IGFN1: variants seen among roughly 807,000 people sequenced by gnomAD.
IGFN1 encodes immunoglobulin-like and fibronectin type III domain-containing protein 1.
A neutral mutation model predicts 289.5 loss-of-function variants in IGFN1; 253 were observed. The ratio of observed to expected loss-of-function variants is 0.87; its 90% CI spans 0.79 to 0.97. The LOEUF (loss-of-function observed/expected upper bound fraction) is 0.97. Among genes scored for constraint, IGFN1 ranks in the 50% least tolerant of loss-of-function variants. The pLI is 0.00. For missense variants in IGFN1, 4,470 were observed against 4,686.1 expected (o/e 0.95, Z 1.35); for synonymous variants, 1,706 against 1,788.5 (o/e 0.95, Z 1.16).
intron 5 of IGFN1, among the ~76,000 whole-genome samples, 174 bp from the exon 6 acceptor site, chr1:201,199,160 A>G (rs1311405560): frequency 1.3e-5 from 2 of 152,182 alleles, no homozygotes; most frequent in Non-Finnish European, 1.5e-5. Flanking sequence ...CTTATGATGG[A>G]CAGACCCTCC....
At position 201,216,555 on chromosome 1, in the gene IGFN1, G is replaced by A. The variant is rs747949117; in HGVS notation, c.9397G>A (p.Val3133Ile). ...CCCAAGGGACAATGGGGGCCGGACTGTAGAGTGCTACGTGGTGGAGAGACG... is the reference window on the plus strand; with the variant it reads ...CCCAAGGGACAATGGGGGCCGGACTATAGAGTGCTACGTGGTGGAGAGACG... ...RPPRDNGGRT[V>I]ECYVVERRQA... Residue 3133 changes from valine (V) to isoleucine (I), a missense_variant, in exon 16 of 24, where the codon GTA becomes ATA. Val to Ile is a conservative substitution (Grantham distance 29). Coordinates refer to ENST00000335211, the MANE Select transcript of IGFN1 (RefSeq NM_001164586.2). 3 of 1,613,498 alleles carry A rather than the reference G, an allele frequency of 1.9e-6. No individual in the cohort carries two copies. In the Admixed American group the frequency reaches 5.0e-5, roughly 27 times the overall value.
rs770455409 is a variant in IGFN1 at position 201,216,669 on chromosome 1, A to G, written c.9511A>G (p.Lys3171Glu). ...FTDAHVEPGR[K>E]YTFRVRAVTS... ...GGATGCCCATGTGGAGCCAGGCAGG[A>G]AGTATACCTTCCGAGTGCGGGCTGT... Residue 3171 changes from lysine (K) to glutamate (E), a missense_variant, in exon 16 of 24, where the codon AAG (lysine) becomes GAG (glutamate). Transcript: ENST00000335211. The G allele has an allele frequency of 3.1e-6, 5 of 1,613,816 alleles. No individual in the cohort carries two copies. In the East Asian group the frequency reaches 8.9e-5, roughly 29 times the overall value.
chr1:201,214,938 G>C, intron 13 of IGFN1, 75 bp from the exon 14 acceptor site: 1 of 1,491,624 alleles, frequency 6.7e-7, no homozygotes, highest in South Asian at 1.3e-5. Flanking sequence ...CATCAGTAAA[G>C]GGCTCTGGTT....
In IGFN1 at chr1:201,210,001, G is replaced by C. The variant is rs1366973332; in HGVS notation, c.5108G>C (p.Gly1703Ala). 3 of 1,491,260 alleles carry C rather than the reference G, an allele frequency of 2.0e-6. No homozygotes were observed. The highest frequency in any genetic ancestry group is 2.7e-6 in the Non-Finnish European group (3 of 1,120,890). The allele number at this position is 1,491,260 out of a possible 1,614,324, so 92.4% of individuals were successfully genotyped here. A position where few individuals can be genotyped will look rare whatever the true frequency, so the allele number is the denominator to read the frequency against. Reference sequence around the variant, plus strand: ...GGTTTAGGGAGTTCTGTAGAAATGGGGTCAGTGAATGAGGCAGGTTATAGG... The same window carrying C: ...GGTTTAGGGAGTTCTGTAGAAATGGCGTCAGTGAATGAGGCAGGTTATAGG... ...RDGLGSSVEMGSVNEAGYRKD... is the reference protein window; with the variant it reads ...RDGLGSSVEMASVNEAGYRKD... The change falls in exon 12 of 24, where the codon GGG becomes GCG. Residue 1703 changes from glycine to alanine, a missense_variant. By Grantham distance (60) the Gly-to-Ala change is moderately conservative. Transcript: ENST00000335211.
At chr1:201,202,491 G>A (rs981078102) in intron 9 of IGFN1, among the ~76,000 whole-genome samples, 2 of 151,752 alleles carry the variant, frequency 1.3e-5, no homozygotes, top group Admixed American at 6.6e-5. Context: ...CACTGGCCTT[G>A]TCCCTGTTCC....
chr1:201,194,092 G>C (rs1572159092), intron 2 of IGFN1, 62 bp from the exon 3 acceptor site: 1 of 1,536,616 alleles, frequency 6.5e-7, no homozygotes, highest in East Asian at 2.5e-5. Context: ...CCATTCTGTT[G>C]AAGGGCCACC....
In IGFN1 at chr1:201,193,769, C is replaced by T. The variant is rs560692471; in HGVS notation, c.8-385C>T. Among the ~76,000 whole-genome samples, 3 of 152,118 alleles carry T rather than the reference C, an allele frequency of 2.0e-5. No individual in the cohort carries two copies. In the South Asian group the frequency reaches 6.2e-4, roughly 32 times the overall value. On this transcript the variant is annotated intron_variant, in intron 2 of 23. Coordinates refer to ENST00000335211, the MANE Select transcript of IGFN1 (RefSeq NM_001164586.2). ...GCTTGGCTTTTTTTTTGAGTCTTGG[C>T]TTTGGGTTTTGATTTGTTTTCCTGA...
At chr1:201,225,043 C>T (rs1248081626) in intron 21 of IGFN1, among the ~76,000 whole-genome samples, 169 bp downstream of exon 21, 1 of 152,218 alleles carries the variant, frequency 6.6e-6, no homozygotes, top group Non-Finnish European at 1.5e-5. Context: ...TAGAAAGGAC[C>T]CCAGAAGATC....
intron 8 of IGFN1, 149 bp from the exon 9 acceptor site, chr1:201,201,570 G>A: frequency 3.5e-6 from 2 of 566,174 alleles, no homozygotes; most frequent in South Asian, 2.2e-5. Flanking sequence ...TCCTTGAGGG[G>A]CTTACTTTCC....
At chr1:201,213,645 G>T (rs369877941) in intron 12 of IGFN1, 24 bp downstream of exon 12, 268 of 1,594,514 alleles carry the variant, frequency 1.7e-4, no homozygotes, top group East Asian at 2.2e-5. Flanking sequence ...TGCTGAGCTG[G>T]CTCCCATGGG....
chr1:201,226,244 A>G, intron 22 of IGFN1, 121 bp downstream of exon 22: 1 of 1,158,120 alleles, frequency 8.6e-7, no homozygotes, highest in Non-Finnish European at 1.2e-6. Flanking sequence ...GGCCTGGAGC[A>G]TGCCAAATAA....
In IGFN1 at chr1:201,207,818, T is replaced by A; in HGVS notation, c.2925T>A (p.Tyr975Ter). Residue 975 changes from tyrosine (Y) to a stop codon, truncating the protein, a stop_gained, in exon 12 of 24, where the codon TAT (tyrosine) becomes TAA (stop). Coordinates refer to ENST00000335211, the MANE Select transcript of IGFN1 (RefSeq NM_001164586.2). LOFTEE classifies it high-confidence loss of function. Reference sequence around the variant, plus strand: ...CTAAAAGCGGGGCTGGTTATAGCTATGGCTCAGGGGTTCCAGGAGAAATGG... The same window carrying A: ...CTAAAAGCGGGGCTGGTTATAGCTAAGGCTCAGGGGTTCCAGGAGAAATGG... ...ISSKSGAGYSYGSGVPGEMGS... is the reference protein window; with the variant it reads ...ISSKSGAGYS 1 of 1,535,990 alleles carries A rather than the reference T, an allele frequency of 6.5e-7. No individual in the cohort carries two copies. The highest frequency in any genetic ancestry group is 8.7e-7 in the Non-Finnish European group (1 of 1,146,252).
In IGFN1 at chr1:201,227,066, C is replaced by A. The variant is rs769962393; in HGVS notation, c.10971C>A (p.Asn3657Lys). The change falls in exon 23 of 24, where the codon AAC becomes AAA. Residue 3657 changes from asparagine to lysine, a missense_variant. Physicochemically the swap from Asn to Lys is moderately conservative, Grantham distance 94. Transcript: ENST00000335211. ...WFKNDRSLEG[N>K]PAVYSTDLLG... ...AGAATGACCGCAGCCTGGAAGGAAA[C>A]CCCGCGGTGTACAGCACTGACCTGC... 6.8e-6 allele frequency: 11 copies of A among 1,613,530 alleles called. No individual in the cohort carries two copies. The highest frequency in any genetic ancestry group is 1.7e-5 in the Admixed American group (1 of 60,016).
At chr1:201,204,038 A>G (rs1271213291) in intron 10 of IGFN1, 132 bp downstream of exon 10, 3 of 846,880 alleles carry the variant, frequency 3.5e-6, no homozygotes, top group Non-Finnish European at 5.4e-6. Flanking sequence ...GGAGAGGGAC[A>G]CATACCTAGA....
rs563977349 is a variant in IGFN1 at position 201,211,342 on chromosome 1, A to C, written c.6449A>C (p.Lys2150Thr). The C allele has an allele frequency of 3.6e-5, 53 of 1,491,486 alleles. No individual in the cohort carries two copies. In the African/African-American group the frequency reaches 6.6e-4, roughly 19 times the overall value. The allele number at this position is 1,491,486 out of a possible 1,614,324, so 92.4% of individuals were successfully genotyped here. ...AGYRKDLGAP[K>T]GMGSESKAGF... ...TATAGGAAGGATTTGGGGGCTCCTA[A>C]GGGAATGGGTTCAGAGAGTAAGGCA... is the stretch of plus-strand genomic sequence containing the variant. The change falls in exon 12 of 24, where the codon AAG becomes ACG. Residue 2150 changes from lysine (K) to threonine (T), a missense_variant. Physicochemically the swap from Lys to Thr is moderately conservative, Grantham distance 78. Transcript: ENST00000335211.
chr1:201,210,911 G>A lies in IGFN1; in HGVS notation c.6018G>A (p.Glu2006=), dbSNP rs759226462. The change falls in exon 12 of 24, where the codon GAG becomes GAA. Residue 2006 remains glutamate, a synonymous_variant. Transcript: ENST00000335211. ...AGYRKDLGAP[E]GIGSGSKAGF... The stretch of plus-strand genomic sequence containing the variant: ...ATAGGAAGGATTTGGGGGCTCCTGA[G>A]GGAATAGGTTCAGGGAGTAAGGCAG... The A allele has an allele frequency of 6.1e-6, 9 of 1,484,710 alleles. No individual in the cohort carries two copies. The African/African-American group carries it at 1.1e-4, about 19-fold the overall frequency. 92.0% of individuals were successfully genotyped at this position (1,484,710 alleles called of 1,614,324 possible). A position where few individuals can be genotyped will look rare whatever the true frequency, so the allele number is the denominator to read the frequency against.
rs1447157731 is a variant in IGFN1 at position 201,194,286 on chromosome 1, G to A, written c.127+13G>A. On this transcript the variant is annotated intron_variant, in intron 3 of 23. Transcript: ENST00000335211. ...GCTCTGCCAGAGGGTGAGCCCAGAG[G>A]GGAGCTGCGGAGGGGAGGCAAGATT... 1.3e-6 allele frequency: 2 copies of A among 1,550,750 alleles called. No individual in the cohort carries two copies. The highest frequency in any genetic ancestry group is 2.0e-5 in the Admixed American group (1 of 50,946).
intron 3 of IGFN1, among the ~76,000 whole-genome samples, chr1:201,195,496 T>C (rs1028106894): frequency 1.6e-4 from 25 of 152,276 alleles, no homozygotes; most frequent in Middle Eastern, 3.4e-3. Context: ...GGCAGAGCCT[T>C]CAGACTCCTT....
chr1:201,197,412 G>A (rs1482362611), intron 5 of IGFN1, 95 bp downstream of exon 5: 5 of 770,724 alleles, frequency 6.5e-6, no homozygotes, highest in South Asian at 4.7e-5. Context: ...GGGAGGGGAG[G>A]GAAGGGAGGC....
Sources: gnomAD v4.1 joint callset for allele counts (sites outside exome capture counted in the v4.1 genomes callset) on GRCh38, gnomAD v4.1.1 for gene constraint, MANE v1.5 for transcripts, NCBI Gene and HGNC (gene_info 2026-07-23, HGNC 2026-07-21) for gene names.